The following DPYD variants were observed in gnomAD, a reference collection of about 807,000 sequenced individuals.
The protein encoded by DPYD is dihydropyrimidine dehydrogenase.
DPYD carries 109 observed loss-of-function variants against 116.2 expected under a neutral mutation model. The observed-to-expected ratio is 0.94, with a 90% confidence interval of 0.80 to 1.10. DPYD has a LOEUF of 1.10. DPYD is among the 50% of genes least tolerant of loss of function. The pLI, the probability that DPYD is intolerant of heterozygous loss-of-function variation, is 0.00. For synonymous variants in DPYD, 440 were observed against 432.0 expected, an observed-to-expected ratio of 1.02 and a Z score of -0.23; for missense variants, 1,302 against 1,254.5, an observed-to-expected ratio of 1.04 and a Z score of -0.57.
At chr1:97,201,004 G>A (rs979707541) in intron 19 of DPYD, among the ~76,000 whole-genome samples, 4 of 152,088 alleles carry the variant, frequency 2.6e-5, no homozygotes, top group African/African-American at 4.8e-5. Flanking sequence ...AACTGGGAGG[G>A]CCAACAGTAA....
intron 13 of DPYD, among the ~76,000 whole-genome samples, chr1:97,510,269 C>G (rs976002464): frequency 1.3e-5 from 2 of 151,882 alleles, no homozygotes; most frequent in Admixed American, 1.3e-4. Context: ...AGCAAGAGGC[C>G]CTGAAAATAT....
chr1:97,217,960 C>T (rs2101886252), intron 19 of DPYD, among the ~76,000 whole-genome samples: 1 of 152,278 alleles, frequency 6.6e-6, no homozygotes, highest in East Asian at 1.9e-4. Flanking sequence ...ACTATAACTT[C>T]CATTTTATAG....
At chr1:97,830,024 T>C (rs1669453920) in intron 2 of DPYD, among the ~76,000 whole-genome samples, 1 of 152,132 alleles carries the variant, frequency 6.6e-6, no homozygotes, top group Non-Finnish European at 1.5e-5. Context: ...TTGTGATAGT[T>C]TGCTGAGAAT....
intron 8 of DPYD, among the ~76,000 whole-genome samples, chr1:97,647,247 T>A (rs948108610): frequency 1.3e-5 from 2 of 152,066 alleles, no homozygotes; most frequent in Admixed American, 6.6e-5. Context: ...TTTCCACCAA[T>A]AAAAATTTAA....
At chr1:97,912,881 G>A (rs908162677) in intron 1 of DPYD, among the ~76,000 whole-genome samples, 6 of 151,992 alleles carry the variant, frequency 3.9e-5, no homozygotes, top group African/African-American at 7.2e-5. Context: ...AAGAAGTCCC[G>A]CAAAGCTCTC....
chr1:97,908,205 C>A (rs1425769965), intron 1 of DPYD, among the ~76,000 whole-genome samples: 1 of 151,950 alleles, frequency 6.6e-6, no homozygotes, highest in Non-Finnish European at 1.5e-5. Flanking sequence ...ACCAGCACAC[C>A]AATCTAATTT....
chr1:97,113,553 T>C (rs1359556629), intron 20 of DPYD, among the ~76,000 whole-genome samples: 2 of 152,074 alleles, frequency 1.3e-5, no homozygotes, highest in African/African-American at 4.8e-5. Context: ...AGAATCAGGA[T>C]GAGATTTTCA....
At chr1:97,744,335 T>G (rs1664430723) in intron 3 of DPYD, among the ~76,000 whole-genome samples, 1 of 152,192 alleles carries the variant, frequency 6.6e-6, no homozygotes, top group South Asian at 2.1e-4. Flanking sequence ...AACAGATGCC[T>G]GCTTCTTTTA....
chr1:97,681,723 A>G (rs1206423871), intron 7 of DPYD, among the ~76,000 whole-genome samples: 1 of 152,164 alleles, frequency 6.6e-6, no homozygotes, highest in African/African-American at 2.4e-5. Flanking sequence ...TTATTGAAAA[A>G]GAAAAATAAT....
At chr1:97,727,230 CTAAGA>C in intron 4 of DPYD, among the ~76,000 whole-genome samples, 1 of 151,630 alleles carries the variant, frequency 6.6e-6, no homozygotes, top group East Asian at 1.9e-4. Context: ...TGTGACTTGT[CTAAGA>C]TAAGAGAGAA....
At chr1:97,840,789 T>C (rs1257014527) in intron 2 of DPYD, among the ~76,000 whole-genome samples, 1 of 152,134 alleles carries the variant, frequency 6.6e-6, no homozygotes, top group African/African-American at 2.4e-5. Flanking sequence ...AATTATACTT[T>C]GTCTCCAAGA....
In DPYD at chr1:97,743,541, T is replaced by A. The variant is rs1048895014; in HGVS notation, c.234-3062A>T. Among the ~76,000 whole-genome samples the A allele has an allele frequency of 6.5e-4, 99 of 152,130 alleles. 2 individuals carry two copies. Among genetic ancestry groups the A allele is most frequent in the African/African-American group, 4.6e-4 (19 of 41,442 alleles). ...CCTATTTTTCTATTTGACAATAAAT[T>A]ATCCTTTGACCATGCCATAATAGAT... On this transcript the variant is annotated intron_variant, in intron 3 of 22. Coordinates refer to ENST00000370192, the MANE Select transcript of DPYD (RefSeq NM_000110.4).
chr1:97,418,102 T>C (rs2101688110), intron 14 of DPYD, among the ~76,000 whole-genome samples: 1 of 152,320 alleles, frequency 6.6e-6, no homozygotes, highest in Admixed American at 6.5e-5. Context: ...TACTTCCTTT[T>C]TGTGCTTTAG....
chr1:97,768,195 AT>A (rs971269006), intron 3 of DPYD, among the ~76,000 whole-genome samples: 2 of 152,222 alleles, frequency 1.3e-5, no homozygotes, highest in South Asian at 2.1e-4. Context: ...ATAATTCTTG[AT>A]TTTTTTAAAT....
chr1:97,814,206 A>T (rs536171951), intron 3 of DPYD, among the ~76,000 whole-genome samples: 52 of 152,276 alleles, frequency 3.4e-4, no homozygotes, highest in African/African-American at 1.2e-3. Flanking sequence ...CCAAGCCTGG[A>T]AAGTTTTAGG....
At chr1:97,750,580 T>C (rs1664818128) in intron 3 of DPYD, among the ~76,000 whole-genome samples, 1 of 152,190 alleles carries the variant, frequency 6.6e-6, no homozygotes, top group South Asian at 2.1e-4. Context: ...TTTTTACTTT[T>C]TGCACTGGTC....
At chr1:97,588,441 C>T (rs868287272) in intron 10 of DPYD, among the ~76,000 whole-genome samples, 23 of 152,110 alleles carry the variant, frequency 1.5e-4, no homozygotes, top group African/African-American at 5.3e-4. Flanking sequence ...CCTTCTCTAA[C>T]CTTATCCTTT....
In DPYD at chr1:97,323,514, GTA is replaced by G. The variant is rs1229750193; in HGVS notation, c.2059-17219_2059-17218del. ...ATATACATATCATATGTACATATGT[GTA>G]TATATACACATATATATACATATCA... On this transcript the variant is annotated intron_variant, in intron 16 of 22. Coordinates refer to ENST00000370192, the MANE Select transcript of DPYD (RefSeq NM_000110.4). Among the ~76,000 whole-genome samples, 23 of 79,010 alleles carry G rather than the reference GTA, an allele frequency of 2.9e-4. 3 individuals carry two copies. The highest frequency in any genetic ancestry group is 1.3e-3 in the East Asian group (4 of 3,052). 51.8% of individuals were successfully genotyped at this position (79,010 alleles called of 152,430 possible). A position where few individuals can be genotyped will look rare whatever the true frequency, so the allele number is the denominator to read the frequency against.
intron 12 of DPYD, among the ~76,000 whole-genome samples, chr1:97,548,723 G>A (rs1651093480): frequency 1.3e-5 from 2 of 151,988 alleles, no homozygotes; most frequent in South Asian, 4.2e-4. Flanking sequence ...GCATTAGAGC[G>A]AGACTTTGTC....
Sources: gnomAD v4.1 joint callset for allele counts (sites outside exome capture counted in the v4.1 genomes callset) on GRCh38, gnomAD v4.1.1 for gene constraint, MANE v1.5 for transcripts, NCBI Gene and HGNC (gene_info 2026-07-23, HGNC 2026-07-21) for gene names.